Variants in CDH13 observed in about 807,000 individuals in gnomAD.
CDH13 encodes cadherin 13, also known as cadherin-13.
CDH13 carries 24 observed loss-of-function variants against 63.8 expected under a neutral mutation model. The observed-to-expected ratio is 0.38, with a 90% CI of 0.27 to 0.53. The LOEUF (loss-of-function observed/expected upper bound fraction) is 0.53. Among genes scored for constraint, CDH13 ranks in the 20% least tolerant of loss-of-function variants. The pLI is 0.85. For missense variants in CDH13, 1,049 were observed against 903.1 expected (o/e 1.16, Z -2.07); for synonymous variants, 503 against 355.3 (o/e 1.42, Z -4.67).
chr16:83,317,756 C>T (rs2090137373), intron 5 of CDH13, among the ~76,000 whole-genome samples: 1 of 151,412 alleles, frequency 6.6e-6, no homozygotes, highest in Admixed American at 6.6e-5. Flanking sequence ...GCCAAGACTG[C>T]ACCATTGCAC....
intron 5 of CDH13, among the ~76,000 whole-genome samples, chr16:83,222,783 C>G (rs909968552): frequency 1.3e-5 from 2 of 152,110 alleles, no homozygotes; most frequent in African/African-American, 4.8e-5. Context: ...TAGGATTGCC[C>G]AAAGTGCCAA....
At chr16:83,575,891 C>T (rs1567777868) in intron 7 of CDH13, among the ~76,000 whole-genome samples, 1 of 152,218 alleles carries the variant, frequency 6.6e-6, no homozygotes, top group East Asian at 1.9e-4. Context: ...CCCCCAGAAA[C>T]TAGCACATAG....
intron 6 of CDH13, among the ~76,000 whole-genome samples, chr16:83,477,096 T>C (rs140487337): frequency 1.5e-3 from 225 of 152,318 alleles, no homozygotes; most frequent in African/African-American, 5.1e-3. Flanking sequence ...TCAGCTTCAT[T>C]AAAGAATAGC....
intron 2 of CDH13, among the ~76,000 whole-genome samples, chr16:82,926,946 G>T (rs2042322781): frequency 6.6e-6 from 1 of 152,146 alleles, no homozygotes; most frequent in African/African-American, 2.4e-5. Context: ...ACTCACAAAT[G>T]TGTCATTTGT....
chr16:83,022,128 G>T (rs1469302129), intron 2 of CDH13, among the ~76,000 whole-genome samples: 2 of 152,152 alleles, frequency 1.3e-5, no homozygotes. Flanking sequence ...GCATACTGAG[G>T]GATATGAAAA....
Position 83,289,996 on chromosome 16 carries a change from G to A in CDH13, c.637-54866G>A, listed in dbSNP as rs182743312. On this transcript the variant is annotated intron_variant, in intron 5 of 13. Coordinates refer to ENST00000567109, the MANE Select transcript of CDH13 (RefSeq NM_001257.5). Reference sequence around the variant, plus strand: ...CCTTCTAATCACCAGCTTCTCCCCAGAGGGAACCACTCTTCTGACACTTAA... The same window carrying A: ...CCTTCTAATCACCAGCTTCTCCCCAAAGGGAACCACTCTTCTGACACTTAA... Among the ~76,000 whole-genome samples the A allele has an allele frequency of 1.5e-3, 223 of 152,242 alleles. 1 individual carries two copies. The highest frequency in any genetic ancestry group is 5.1e-3 in the African/African-American group (212 of 41,546).
chr16:83,279,193 A>G (rs941562477), intron 5 of CDH13, among the ~76,000 whole-genome samples: 1 of 152,164 alleles, frequency 6.6e-6, no homozygotes, highest in Admixed American at 6.5e-5. Context: ...TGTCATAGAT[A>G]CAAACGAGTC....
intron 6 of CDH13, among the ~76,000 whole-genome samples, chr16:83,441,066 C>T (rs1051004767): frequency 1.3e-5 from 2 of 152,098 alleles, no homozygotes; most frequent in African/African-American, 4.8e-5. Context: ...GTTCTTTCAT[C>T]AGAGAGATGT....
At position 82,992,229 on chromosome 16, in the gene CDH13, G is replaced by A. The variant is rs532893644; in HGVS notation, c.158-39781G>A. ...TAGCTGGGAAAGCATGGCCTTATCTGTTTCAGTATCCTTATTTGTGAAATG... is the reference window on the plus strand; with the variant it reads ...TAGCTGGGAAAGCATGGCCTTATCTATTTCAGTATCCTTATTTGTGAAATG... On this transcript the variant is annotated intron_variant, in intron 2 of 13. Coordinates refer to ENST00000567109, the MANE Select transcript of CDH13 (RefSeq NM_001257.5). Among the ~76,000 whole-genome samples, 9 of 152,248 alleles carry A rather than the reference G, an allele frequency of 5.9e-5. No homozygotes were observed. In the East Asian group the frequency reaches 1.5e-3, roughly 26 times the overall value.
chr16:82,695,485 T>G (rs1597344945), intron 1 of CDH13, among the ~76,000 whole-genome samples: 1 of 152,136 alleles, frequency 6.6e-6, no homozygotes. Flanking sequence ...GCTCCAATGG[T>G]GAGCAGGAAG....
chr16:82,754,569 A>G (rs2034542728), intron 1 of CDH13, among the ~76,000 whole-genome samples: 1 of 152,230 alleles, frequency 6.6e-6, no homozygotes, highest in Non-Finnish European at 1.5e-5. Flanking sequence ...GCTAAGCATT[A>G]TCAGACAGAG....
chr16:83,341,243 G>A (rs927303184), intron 5 of CDH13, among the ~76,000 whole-genome samples: 2 of 152,108 alleles, frequency 1.3e-5, no homozygotes, highest in African/African-American at 2.4e-5. Context: ...GTGTGCTTTG[G>A]GTATTTCAAT....
chr16:83,365,925 C>T (rs1039192183), intron 6 of CDH13, among the ~76,000 whole-genome samples: 3 of 152,196 alleles, frequency 2.0e-5, no homozygotes, highest in Non-Finnish European at 4.4e-5. Flanking sequence ...ATAAGGAACA[C>T]TGCCCTGCTG....
intron 1 of CDH13, among the ~76,000 whole-genome samples, chr16:82,854,687 T>C (rs1284260365): frequency 6.6e-6 from 1 of 152,220 alleles, no homozygotes; most frequent in East Asian, 1.9e-4. Context: ...CCAGCAGAAA[T>C]GTCTCTTTTG....
intron 5 of CDH13, among the ~76,000 whole-genome samples, chr16:83,251,168 G>T (rs182869666): frequency 4.0e-4 from 61 of 152,080 alleles, no homozygotes; most frequent in Middle Eastern, 3.4e-3. Context: ...AGATTTGTAA[G>T]ATATTGCCAT....
At chr16:82,889,125 A>C (rs760759121) in intron 2 of CDH13, among the ~76,000 whole-genome samples, 1 of 152,190 alleles carries the variant, frequency 6.6e-6, no homozygotes, top group Admixed American at 6.5e-5. Flanking sequence ...CTTATTTTCA[A>C]TCACAGAAAA....
At chr16:82,643,141 A>T (rs12444786) in intron 1 of CDH13, among the ~76,000 whole-genome samples, 1 of 152,084 alleles carries the variant, frequency 6.6e-6, no homozygotes, top group Non-Finnish European at 1.5e-5. Flanking sequence ...TGGTGATTAC[A>T]TTAGCTCTCT....
At chr16:83,144,706 C>G (rs576313851) in intron 4 of CDH13, among the ~76,000 whole-genome samples, 1 of 152,172 alleles carries the variant, frequency 6.6e-6, no homozygotes, top group African/African-American at 2.4e-5. Context: ...TAAATTTTTC[C>G]GAAAAAATCA....
At chr16:82,797,539 G>T (rs573024218) in intron 1 of CDH13, among the ~76,000 whole-genome samples, 1 of 152,200 alleles carries the variant, frequency 6.6e-6, no homozygotes, top group East Asian at 1.9e-4. Flanking sequence ...GTTAGCTCAA[G>T]AAATTACATC....
Sources: allele counts gnomAD v4.1 joint callset (sites outside exome capture counted in the v4.1 genomes callset), GRCh38; gene constraint gnomAD v4.1.1; transcripts MANE v1.5; gene names NCBI Gene and HGNC (gene_info 2026-07-23, HGNC 2026-07-21).